The following CLU variants were observed in gnomAD, a reference collection of about 807,000 sequenced individuals.
CLU encodes clusterin, also known as aging-associated protein 4.
A neutral mutation model predicts 46.4 loss-of-function variants in CLU; 25 were observed. That is an observed-to-expected ratio of 0.54 (90% confidence interval 0.39 to 0.75). The LOEUF is 0.75. Among genes scored for constraint, CLU ranks in the 30% least tolerant of loss-of-function variants. The pLI, the probability that CLU is intolerant of heterozygous loss-of-function variation, is 0.00. For synonymous variants in CLU, 235 were observed against 235.1 expected (o/e 1.00, Z 0.00); for missense variants, 504 against 592.1 (o/e 0.85, Z 1.54).
At chr8:27,610,697 C>T in intron 1 of CLU, 97 bp from the exon 2 acceptor site, 1 of 871,906 alleles carries the variant, frequency 1.1e-6, no homozygotes, top group East Asian at 2.4e-5. Context: ...CCTCACTGCC[C>T]TCAGCTGTCC....
chr8:27,598,456 T>C lies in CLU; in HGVS notation c.1340+4A>G, dbSNP rs1800653933. On this transcript the variant is annotated splice_donor_region_variant and intron_variant, in intron 8 of 8. Transcript: ENST00000316403. The stretch of plus-strand genomic sequence containing the variant: ...AGGCCCGCAGGAAAGGCCCGCCTGC[T>C]TACCGGTGCTTTTTGCGGTATTCCT... The C allele has an allele frequency of 6.2e-7, 1 of 1,613,974 alleles. No homozygotes were observed. The highest frequency in any genetic ancestry group is 8.5e-7 in the Non-Finnish European group (1 of 1,179,998).
chr8:27,610,745 A>G (rs1288674207), intron 1 of CLU, 145 bp from the exon 2 acceptor site: 3 of 651,054 alleles, frequency 4.6e-6, no homozygotes, highest in Non-Finnish European at 8.3e-6. Context: ...TCCTGAGGAA[A>G]TGGGGGGAAA....
intron 7 of CLU, 29 bp from the exon 8 acceptor site, chr8:27,598,664 C>T: frequency 6.2e-7 from 1 of 1,610,006 alleles, no homozygotes; most frequent in Admixed American, 1.7e-5. Context: ...AAGGGAAGAG[C>T]TGAAACACTG....
chr8:27,608,056 A>T (rs1800853691), intron 3 of CLU, among the ~76,000 whole-genome samples: 1 of 152,240 alleles, frequency 6.6e-6, no homozygotes. Flanking sequence ...CTATTTGAGG[A>T]TTCTCATAGA....
chr8:27,604,190 C>G, intron 6 of CLU, 101 bp downstream of exon 6: 3 of 929,052 alleles, frequency 3.2e-6, no homozygotes, highest in Non-Finnish European at 5.2e-6. Flanking sequence ...AATCCAAACG[C>G]TTATCTGTCT....
chr8:27,613,371 G>A (rs1237574261), intron 1 of CLU, among the ~76,000 whole-genome samples: 2 of 144,024 alleles, frequency 1.4e-5, no homozygotes, highest in South Asian at 2.3e-4. Flanking sequence ...GGGCAACAGA[G>A]TGAGACTTGG....
chr8:27,607,670 G>A (rs931002856), intron 3 of CLU, among the ~76,000 whole-genome samples: 9 of 151,772 alleles, frequency 5.9e-5, no homozygotes, highest in Admixed American at 5.9e-4. Flanking sequence ...CTTGTCCTTG[G>A]GCAAAAGGAT....
Position 27,597,357 on chromosome 8 carries a change from G to A in CLU, c.*884C>T, listed in dbSNP as rs1800619430. 2.2e-6 allele frequency: 1 copy of A among 454,396 alleles called. No homozygotes were observed. The highest frequency in any genetic ancestry group is 4.4e-6 in the Non-Finnish European group (1 of 226,804). 28.1% of individuals were successfully genotyped at this position (454,396 alleles called of 1,614,324 possible). A position where few individuals can be genotyped will look rare whatever the true frequency, so the allele number is the denominator to read the frequency against. ...TGGCAGCGTAGGGTACTGCAGCCCA[G>A]CTATGGTTCAGACTAAAAGCCGAGA... On this transcript the variant is annotated 3_prime_UTR_variant, in exon 9 of 9. Transcript: ENST00000316403.
Position 27,599,885 on chromosome 8 carries a change from G to T in CLU, c.1059C>A (p.Leu353=), listed in dbSNP as rs1408722643. 1.9e-6 allele frequency: 3 copies of T among 1,614,202 alleles called. No individual in the cohort carries two copies. Among genetic ancestry groups the T allele is most frequent in the Non-Finnish European group, 2.5e-6 (3 of 1,180,034 alleles). ...ELLKSYQWKM[L]NTSSLLEQLN... is the part of the protein sequence containing the mutation. ...GCTGCTCCAGCAAGGAGGAGGTGTT[G>T]AGCATCTTCCACTGGTAGGACTTTA... Residue 353 remains leucine (L), a synonymous_variant, in exon 7 of 9, where the codon CTC becomes CTA. Transcript: ENST00000316403. The surrounding 1 kb of genome is among the most constrained non-coding windows in gnomAD (Gnocchi z 4.0).
Position 27,599,148 on chromosome 8 carries a change from G to A in CLU, c.1165-513C>T, listed in dbSNP as rs1289914583. The A allele has an allele frequency of 6.4e-6, 1 of 155,300 alleles. No individual in the cohort carries two copies. The highest frequency in any genetic ancestry group is 1.9e-4 in the East Asian group (1 of 5,264). The allele number at this position is 155,300 out of a possible 1,614,324, so 9.6% of individuals were successfully genotyped here. On this transcript the variant is annotated intron_variant, in intron 7 of 8. Transcript: ENST00000316403. This position sits in a 1 kb window ranked among gnomAD's most constrained non-coding sequence, Gnocchi z 4.0. Reference sequence around the variant, plus strand: ...ACTGCAGCCTCCACTTCAGGGCTCAGGCAATCCTCCCACCTCAGCCTCCTG... The same window carrying A: ...ACTGCAGCCTCCACTTCAGGGCTCAAGCAATCCTCCCACCTCAGCCTCCTG...
rs1227624503 is a variant in CLU, at chr8:27,604,973, G to C, written c.780C>G (p.Ile260Met). The C allele has an allele frequency of 3.0e-5, 49 of 1,614,142 alleles. No homozygotes were observed. Among genetic ancestry groups the C allele is most frequent in the Non-Finnish European group, 4.1e-5 (48 of 1,180,010 alleles). The stretch of plus-strand genomic sequence containing the variant: ...GCTGGAAGGCCGGGCTATGGAAGTG[G>C]ATGTCCATGGCCTGCTGAGCCTCGT... ...MIHEAQQAMD[I>M]HFHSPAFQHP... Residue 260 changes from isoleucine to methionine, a missense_variant, in exon 5 of 9, where the codon ATC becomes ATG. By Grantham distance (10) the Ile-to-Met change is conservative. Transcript: ENST00000316403.
In CLU at chr8:27,597,180, G is replaced by A. The variant is rs1225935738; in HGVS notation, c.*1061C>T. 6.6e-6 allele frequency: 3 copies of A among 454,138 alleles called. No homozygotes were observed. The highest frequency in any genetic ancestry group is 8.8e-6 in the Non-Finnish European group (2 of 226,812). 28.1% of individuals were successfully genotyped at this position (454,138 alleles called of 1,614,324 possible). On this transcript the variant is annotated 3_prime_UTR_variant, in exon 9 of 9. Coordinates refer to ENST00000316403, the MANE Select transcript of CLU (RefSeq NM_001831.4). ...AATATTCTAAGCTATAAATTTACAT[G>A]TGGACTTTGCTACACACCTGGGATG...
At chr8:27,607,339 A>AGAAAC (rs1563387491) in intron 3 of CLU, among the ~76,000 whole-genome samples, 1 of 148,702 alleles carries the variant, frequency 6.7e-6, no homozygotes, top group African/African-American at 2.5e-5. Flanking sequence ...TCTGTCTCAA[A>AGAAAC]AAAACAAAAC....
At chr8:27,598,868 C>CAT in intron 7 of CLU, 2 of 563,360 alleles carry the variant, frequency 3.6e-6, no homozygotes, top group Non-Finnish European at 6.3e-6. Flanking sequence ...AATGACCAGC[C>CAT]CAGGGAGCAC....
intron 3 of CLU, among the ~76,000 whole-genome samples, chr8:27,607,034 A>C (rs1800834720): frequency 1.3e-5 from 2 of 152,166 alleles, no homozygotes; most frequent in South Asian, 4.1e-4. Context: ...TTGACCCAAT[A>C]ATTCTGTAAG....
rs1800770405 is a variant in CLU, at chr8:27,604,148, C to T, written c.934+143G>A. 2.0e-5 allele frequency: 14 copies of T among 704,144 alleles called. No individual in the cohort carries two copies. The South Asian group carries it at 2.1e-4, about 11-fold the overall frequency. The allele number at this position is 704,144 out of a possible 1,614,324, so 43.6% of individuals were successfully genotyped here. ...AAGCTGCATGAGGCTCAGGACCTGC[C>T]CCGGGACACAGCTCAAAGGCTGCAG... On this transcript the variant is annotated intron_variant, in intron 6 of 8. Transcript: ENST00000316403.
chr8:27,608,876 A>AC (rs1180735833), intron 3 of CLU, 62 bp downstream of exon 3: 1 of 1,592,544 alleles, frequency 6.3e-7, no homozygotes, highest in Non-Finnish European at 8.6e-7. Context: ...CCGCGCAGTG[A>AC]CCCCCTCCCT....
rs79390242 is a variant in CLU, at chr8:27,604,920, T to G, written c.829+4A>C. On this transcript the variant is annotated splice_donor_region_variant and intron_variant, in intron 5 of 8. Coordinates refer to ENST00000316403, the MANE Select transcript of CLU (RefSeq NM_001831.4). ...AAAGGCCATGAGCTTCCACCCCTTC[T>G]CACCTCGTATGAATTCTGTTGGCGG... 3.1e-5 allele frequency: 50 copies of G among 1,614,122 alleles called. No homozygotes were observed. The African/African-American group carries it at 6.0e-4, about 19-fold the overall frequency.
In CLU at chr8:27,608,985, G is replaced by T. The variant is rs11555224; in HGVS notation, c.199C>A (p.Arg67Ser). 3 of 1,614,156 alleles carry T rather than the reference G, an allele frequency of 1.9e-6. No homozygotes were observed. The highest frequency in any genetic ancestry group is 1.6e-4 in the Middle Eastern group (1 of 6,062). ...KTLIEKTNEE[R>S]KTLLSNLEEA... Reference sequence around the variant, plus strand: ...TCTAGGTTGCTGAGCAGTGTCTTGCGCTCTTCGTTTGTTTTTTCTATGAGA... The same window carrying T: ...TCTAGGTTGCTGAGCAGTGTCTTGCTCTCTTCGTTTGTTTTTTCTATGAGA... Residue 67 changes from arginine (R) to serine (S), a missense_variant, in exon 3 of 9, where the codon CGC becomes AGC. Around this residue, in one of 3 missense-constraint regions of CLU, gnomAD observed 73 missense variants for 91.2 expected, o/e 0.80. Transcript: ENST00000316403.
Sources: gnomAD v4.1 joint callset for allele counts (sites outside exome capture counted in the v4.1 genomes callset) on GRCh38, gnomAD v4.1.1 for gene constraint, gnomAD v4.1.1 regional missense constraint, Gnocchi (gnomAD v3.1) non-coding constraint, MANE v1.5 for transcripts, NCBI Gene and HGNC (gene_info 2026-07-23, HGNC 2026-07-21) for gene names.